TMEM132D: variants seen among roughly 807,000 people sequenced by gnomAD.
TMEM132D encodes transmembrane protein 132D, also known as mature OL transmembrane protein.
A neutral mutation model predicts 62.3 loss-of-function variants in TMEM132D; 21 were observed. That is an observed-to-expected ratio of 0.34 (90% CI 0.24 to 0.49). The LOEUF is 0.49. TMEM132D is among the 20% of genes least tolerant of loss of function. TMEM132D has a pLI of 0.99. For synonymous variants in TMEM132D, 621 were observed against 575.6 expected (o/e 1.08, Z -1.13); for missense variants, 1,346 against 1,402.8 (o/e 0.96, Z 0.65).
intron 5 of TMEM132D, among the ~76,000 whole-genome samples, chr12:129,114,950 C>T (rs1191208000): frequency 3.9e-5 from 6 of 152,178 alleles, no homozygotes; most frequent in Non-Finnish European, 8.8e-5. Flanking sequence ...GTGTTTCCAG[C>T]TTCTGGCTAT....
chr12:129,805,096 C>T (rs368863042), intron 1 of TMEM132D, among the ~76,000 whole-genome samples: 4 of 149,190 alleles, frequency 2.7e-5, no homozygotes, highest in Non-Finnish European at 4.5e-5. Context: ...GAATCAATAT[C>T]GTGAAAATGG....
chr12:129,822,713 C>T (rs1593175724), intron 1 of TMEM132D, among the ~76,000 whole-genome samples: 1 of 152,308 alleles, frequency 6.6e-6, no homozygotes, highest in African/African-American at 2.4e-5. Flanking sequence ...CGGCAGGAGA[C>T]AGAATGAGTG....
intron 2 of TMEM132D, among the ~76,000 whole-genome samples, chr12:129,669,996 T>C (rs1880466919): frequency 6.6e-6 from 1 of 152,148 alleles, no homozygotes; most frequent in African/African-American, 2.4e-5. Context: ...ATGTCCCCTG[T>C]CGACTGGAAG....
chr12:129,367,867 T>C (rs7963690), intron 3 of TMEM132D, among the ~76,000 whole-genome samples: 89,041 of 148,210 alleles, frequency 0.6, 27,435 homozygotes, highest in Non-Finnish European at 0.68. Context: ...CTCACTGCAA[T>C]CACCACCTTC....
At chr12:129,751,612 T>C (rs1043731093) in intron 1 of TMEM132D, among the ~76,000 whole-genome samples, 1 of 152,248 alleles carries the variant, frequency 6.6e-6, no homozygotes, top group African/African-American at 2.4e-5. Flanking sequence ...AAGATAACTT[T>C]GGAAGGCATT....
intron 3 of TMEM132D, among the ~76,000 whole-genome samples, chr12:129,449,724 T>C (rs1873212337): frequency 6.6e-6 from 1 of 152,166 alleles, no homozygotes; most frequent in Admixed American, 6.5e-5. Context: ...TCCAGTATTT[T>C]AAAATTTGTA....
rs369041461 is a variant in TMEM132D at position 129,646,764 on chromosome 12, C to CGTGA, written c.968+53045_968+53046insTCAC. 3.5e-3 allele frequency among the ~76,000 whole-genome samples: 523 copies of CGTGA among 150,946 alleles called. 5 individuals are homozygous for CGTGA. The highest frequency in any genetic ancestry group is 0.012 in the African/African-American group (491 of 41,068). On this transcript the variant is annotated intron_variant, in intron 2 of 8. Transcript: ENST00000422113. ...GTATATATATATAAACATGCATTCA[C>CGTGA]GCACAAAGATATAAACACACATATA...
rs962968888 is a variant in TMEM132D at position 129,827,477 on chromosome 12, T to C, written c.79+75784A>G. 3.3e-5 allele frequency among the ~76,000 whole-genome samples: 5 copies of C among 152,158 alleles called. No individual in the cohort carries two copies. The highest frequency in any genetic ancestry group is 1.2e-4 in the African/African-American group (5 of 41,568). On this transcript the variant is annotated intron_variant, in intron 1 of 8. Coordinates refer to ENST00000422113, the MANE Select transcript of TMEM132D (RefSeq NM_133448.3). The surrounding 1 kb of genome is among the most constrained non-coding windows in gnomAD (Gnocchi z 9.7). ...AGGAGTAGAATTTGCAAAATACTAA[T>C]GGGTATTTTGCAACTTTTTAACTAT... is the stretch of plus-strand genomic sequence containing the variant.
At chr12:129,610,549 GCTCATT>G (rs1297504662) in intron 2 of TMEM132D, among the ~76,000 whole-genome samples, 1 of 151,936 alleles carries the variant, frequency 6.6e-6, no homozygotes, top group Non-Finnish European at 1.5e-5. Context: ...TAGAAGTCTG[GCTCATT>G]CTCGTGGGGT....
chr12:129,573,334 C>T (rs762885064), intron 2 of TMEM132D, among the ~76,000 whole-genome samples: 2 of 152,140 alleles, frequency 1.3e-5, no homozygotes, highest in Non-Finnish European at 2.9e-5. Context: ...GCCTGAGGAG[C>T]CAGACCTGAG....
chr12:129,198,321 C>T (rs980394076), intron 5 of TMEM132D, among the ~76,000 whole-genome samples: 16 of 151,870 alleles, frequency 1.1e-4, no homozygotes, highest in Non-Finnish European at 1.9e-4. Flanking sequence ...GGGTATATAC[C>T]CCAAAGATCT....
intron 1 of TMEM132D, among the ~76,000 whole-genome samples, chr12:129,727,309 C>T (rs1418768774): frequency 6.6e-6 from 1 of 152,178 alleles, no homozygotes; most frequent in Non-Finnish European, 1.5e-5. Context: ...TGTGTCATAA[C>T]ATGGTGGAAG....
chr12:129,175,569 A>G (rs1309159893), intron 5 of TMEM132D, among the ~76,000 whole-genome samples: 1 of 152,232 alleles, frequency 6.6e-6, no homozygotes, highest in African/African-American at 2.4e-5. Context: ...ATAACCAGGC[A>G]TGGTGGCACA....
intron 3 of TMEM132D, among the ~76,000 whole-genome samples, chr12:129,392,073 T>C (rs1949682869): frequency 6.6e-6 from 1 of 150,974 alleles, no homozygotes; most frequent in African/African-American, 2.4e-5. Flanking sequence ...TTTCTTTTTT[T>C]TGAGATGGAG....
intron 1 of TMEM132D, among the ~76,000 whole-genome samples, chr12:129,851,656 G>A: frequency 6.7e-6 from 1 of 148,244 alleles, no homozygotes; most frequent in East Asian, 1.9e-4. Context: ...CATGTTCACA[G>A]CACTGCTTCC....
At chr12:129,768,742 C>A (rs1280436049) in intron 1 of TMEM132D, among the ~76,000 whole-genome samples, 1 of 152,164 alleles carries the variant, frequency 6.6e-6, no homozygotes, top group Non-Finnish European at 1.5e-5. Context: ...TGGCAACAGC[C>A]TCCCTCCAGA....
chr12:129,320,283 G>T (rs1340494460), intron 4 of TMEM132D, among the ~76,000 whole-genome samples: 1 of 152,196 alleles, frequency 6.6e-6, no homozygotes, highest in Non-Finnish European at 1.5e-5. Context: ...ATGCTGAAAA[G>T]AAGATAAACC....
intron 5 of TMEM132D, among the ~76,000 whole-genome samples, chr12:129,162,685 C>T (rs536313965): frequency 2.6e-5 from 4 of 152,104 alleles, no homozygotes; most frequent in East Asian, 1.9e-4. Flanking sequence ...CCCCGACTCT[C>T]GTTCCTGATT....
rs1453784580 is a variant in TMEM132D, at chr12:129,588,734, C to A, written c.969-57529G>T. On this transcript the variant is annotated intron_variant, in intron 2 of 8. Coordinates refer to ENST00000422113, the MANE Select transcript of TMEM132D (RefSeq NM_133448.3). Reference sequence around the variant, plus strand: ...GGACTACAGGCACCTGCCACCACGCCCAGCTATTTTTTTCTTTTTTTTTTT... The same window carrying A: ...GGACTACAGGCACCTGCCACCACGCACAGCTATTTTTTTCTTTTTTTTTTT... Among the ~76,000 whole-genome samples, 4 of 127,412 alleles carry A rather than the reference C, an allele frequency of 3.1e-5. No homozygotes were observed. In the East Asian group the frequency reaches 9.7e-4, roughly 31 times the overall value. The allele number at this position is 127,412 out of a possible 152,430, so 83.6% of individuals were successfully genotyped here. A position where few individuals can be genotyped will look rare whatever the true frequency, so the allele number is the denominator to read the frequency against.
Sources: gnomAD v4.1 joint callset for allele counts (sites outside exome capture counted in the v4.1 genomes callset) on GRCh38, gnomAD v4.1.1 for gene constraint, Gnocchi (gnomAD v3.1) non-coding constraint, MANE v1.5 for transcripts, NCBI Gene and HGNC (gene_info 2026-07-23, HGNC 2026-07-21) for gene names.